The following WWOX variants were observed in gnomAD, a reference collection of about 807,000 sequenced individuals.
WWOX encodes WW domain containing oxidoreductase, also known as WW domain-containing oxidoreductase.
WWOX carries 69 observed loss-of-function variants against 46.2 expected under a neutral mutation model. That is an observed-to-expected ratio of 1.49 (90% CI 1.23 to 1.82). WWOX has a LOEUF of 1.82. Ranked by LOEUF, WWOX falls within the 40% of genes most tolerant of loss-of-function variation. The probability of loss-of-function intolerance (pLI) is 0.00; values close to 1 mark genes in which losing one functional copy is unlikely to be tolerated. For synonymous variants in WWOX, 359 were observed against 202.6 expected, an observed-to-expected ratio of 1.77 and a Z score of -6.56; for missense variants, 919 against 542.6, an observed-to-expected ratio of 1.69 and a Z score of -6.89.
At chr16:78,494,681 A>G (rs1193923280) in intron 8 of WWOX, among the ~76,000 whole-genome samples, 1 of 152,154 alleles carries the variant, frequency 6.6e-6, no homozygotes, top group Non-Finnish European at 1.5e-5. Context: ...AATGGACAAC[A>G]TATCAGTCAT....
At chr16:78,756,813 C>T (rs562609462) in intron 8 of WWOX, 35 of 566,368 alleles carry the variant, frequency 6.2e-5, no homozygotes, top group Middle Eastern at 2.8e-4. Context: ...ATAGTCTTCT[C>T]GGACACCTAA....
intron 8 of WWOX, 122 bp downstream of exon 8, chr16:78,432,874 C>G (rs78383183): frequency 6.7e-7 from 1 of 1,489,364 alleles, no homozygotes. Context: ...ATTGTCCAGC[C>G]CATCATAAAG....
Position 78,496,834 on chromosome 16 carries a change from C to T in WWOX, c.1056+64082C>T, listed in dbSNP as rs536293851. On this transcript the variant is annotated intron_variant, in intron 8 of 8. Transcript: ENST00000566780. ...ACATGGAGAAGTCACTCCAACTTTC[C>T]GGAAACCCCTTTTGCTGTGCCATGT... 8.5e-5 allele frequency among the ~76,000 whole-genome samples: 13 copies of T among 152,286 alleles called. No individual in the cohort carries two copies. In the East Asian group the frequency reaches 1.2e-3, roughly 14 times the overall value.
chr16:79,124,341 G>A (rs902237230), intron 8 of WWOX, among the ~76,000 whole-genome samples: 3 of 128,254 alleles, frequency 2.3e-5, no homozygotes, highest in African/African-American at 8.9e-5. Context: ...TTTATTCATG[G>A]ACTTTTTGAA....
At chr16:78,296,092 C>T (rs1382274430) in intron 5 of WWOX, among the ~76,000 whole-genome samples, 1 of 152,192 alleles carries the variant, frequency 6.6e-6, no homozygotes, top group Non-Finnish European at 1.5e-5. Context: ...TGCTTTAAAA[C>T]TAGCTCTTCG....
intron 5 of WWOX, among the ~76,000 whole-genome samples, chr16:78,321,391 TAC>T (rs1206334840): frequency 1.0e-5 from 1 of 99,366 alleles, no homozygotes; most frequent in Non-Finnish European, 1.9e-5. Context: ...CGTATATATA[TAC>T]GTATATATAC....
At chr16:79,075,302 A>G (rs529390451) in intron 8 of WWOX, among the ~76,000 whole-genome samples, 1 of 152,262 alleles carries the variant, frequency 6.6e-6, no homozygotes, top group South Asian at 2.1e-4. Flanking sequence ...TAAAAATCAT[A>G]CATGTATGTT....
At chr16:78,332,590 A>G (rs1421301081) in intron 5 of WWOX, among the ~76,000 whole-genome samples, 2 of 152,222 alleles carry the variant, frequency 1.3e-5, no homozygotes, top group African/African-American at 2.4e-5. Flanking sequence ...ATATAGTTCA[A>G]TTAAGCGGGC....
chr16:78,835,732 G>C (rs1308414409), intron 8 of WWOX, among the ~76,000 whole-genome samples: 1 of 152,176 alleles, frequency 6.6e-6, no homozygotes, highest in Non-Finnish European at 1.5e-5. Flanking sequence ...AGCAAACTAG[G>C]CTCCAGGGAG....
chr16:78,501,550 T>C (rs139907917), intron 8 of WWOX, among the ~76,000 whole-genome samples: 1 of 151,992 alleles, frequency 6.6e-6, no homozygotes, highest in African/African-American at 2.4e-5. Flanking sequence ...TTCTTTTTTT[T>C]TTTTGAGATG....
At chr16:78,926,336 G>T (rs1267976318) in intron 8 of WWOX, among the ~76,000 whole-genome samples, 1 of 150,032 alleles carries the variant, frequency 6.7e-6, no homozygotes, top group Admixed American at 6.7e-5. Flanking sequence ...TCGTGCCATT[G>T]CATTTCAGCG....
At chr16:78,311,956 AGAG>A (rs1346839657) in intron 5 of WWOX, among the ~76,000 whole-genome samples, 3 of 152,148 alleles carry the variant, frequency 2.0e-5, no homozygotes, top group Non-Finnish European at 4.4e-5. Flanking sequence ...TGGATACTGT[AGAG>A]GAGAATACAT....
At chr16:78,829,098 G>A (rs2051741090) in intron 8 of WWOX, among the ~76,000 whole-genome samples, 1 of 151,006 alleles carries the variant, frequency 6.6e-6, no homozygotes, top group Non-Finnish European at 1.5e-5. Context: ...ATGGATGGAT[G>A]GATGGATGGA....
chr16:78,631,772 C>T (rs1040592120), intron 8 of WWOX, among the ~76,000 whole-genome samples: 21 of 152,158 alleles, frequency 1.4e-4, no homozygotes, highest in Non-Finnish European at 2.6e-4. Flanking sequence ...GCAATCTGCT[C>T]ACCTGGGTCT....
intron 8 of WWOX, among the ~76,000 whole-genome samples, chr16:78,760,444 A>T (rs1354262062): frequency 6.6e-6 from 1 of 152,190 alleles, no homozygotes. Context: ...TGATTTTATC[A>T]TGCAAGGTAG....
intron 8 of WWOX, among the ~76,000 whole-genome samples, chr16:78,457,848 G>A (rs186997192): frequency 7.4e-5 from 11 of 147,690 alleles, no homozygotes; most frequent in Admixed American, 3.4e-4. Context: ...CCCGGGAGGC[G>A]GAGCTTTCAG....
intron 8 of WWOX, among the ~76,000 whole-genome samples, chr16:78,842,460 G>A (rs112061704): frequency 3.9e-5 from 6 of 152,020 alleles, no homozygotes; most frequent in South Asian, 2.1e-4. Context: ...CTAGGATCAC[G>A]CTACTTTACT....
chr16:78,377,034 C>T (rs560701717), intron 5 of WWOX, among the ~76,000 whole-genome samples: 5 of 152,232 alleles, frequency 3.3e-5, no homozygotes, highest in Non-Finnish European at 5.9e-5. Flanking sequence ...ACACGTCTTT[C>T]TGAATCGAGG....
In WWOX at chr16:78,255,204, C is replaced by T. The variant is rs140464601; in HGVS notation, c.516+90915C>T. Among the ~76,000 whole-genome samples the T allele has an allele frequency of 5.2e-3, 794 of 152,308 alleles. 4 individuals are homozygous for T. Among genetic ancestry groups the T allele is most frequent in the African/African-American group, 0.018 (760 of 41,566 alleles). ...ACTGTCTTGGCACATTCAGATCCCC[C>T]GTCCCCCTGCTGTCCTTCTAGTCAG... On this transcript the variant is annotated intron_variant, in intron 5 of 8. Transcript: ENST00000566780.
Sources: gnomAD v4.1 joint callset for allele counts (sites outside exome capture counted in the v4.1 genomes callset) on GRCh38, gnomAD v4.1.1 for gene constraint, MANE v1.5 for transcripts, NCBI Gene and HGNC (gene_info 2026-07-23, HGNC 2026-07-21) for gene names.